PCDHA5: variants seen among roughly 807,000 people sequenced by gnomAD.
PCDHA5 encodes the protein protocadherin alpha 5.
A neutral mutation model predicts 61.6 loss-of-function variants in PCDHA5; 43 were observed. That is an observed-to-expected ratio of 0.70 (90% CI 0.55 to 0.90). The LOEUF (loss-of-function observed/expected upper bound fraction) is 0.90, where lower values mean the gene tolerates loss of function less well. Among genes scored for constraint, PCDHA5 ranks in the 40% least tolerant of loss-of-function variants. The probability of loss-of-function intolerance (pLI) is 0.00; values close to 1 mark genes in which losing one functional copy is unlikely to be tolerated. For synonymous variants in PCDHA5, 627 were observed against 543.9 expected (o/e 1.15, Z -2.13); for missense variants, 1,298 against 1,222.7 (o/e 1.06, Z -0.92).
Position 141,009,722 on chromosome 5 carries a change from G to A in PCDHA5, c.2596G>A (p.Gly866Ser), listed in dbSNP as rs552954748. ...KYGPGNPKQSGPGELPDKFII... is the reference protein window; with the variant it reads ...KYGPGNPKQSSPGELPDKFII... ...CGGACCAGGCAACCCCAAACAATCC[G>A]GTCCCGGTGAGTTGCCCGACAAATT... The change falls in exon 4 of 4, where the codon GGT (glycine) becomes AGT (serine). Residue 866 changes from glycine (G) to serine (S), a missense_variant. Gly to Ser is a moderately conservative substitution (Grantham distance 56). Transcript: ENST00000529859. 5.2e-5 allele frequency: 84 copies of A among 1,614,140 alleles called. No homozygotes were observed. The South Asian group carries it at 6.7e-4, about 13-fold the overall frequency.
intron 1 of PCDHA5, chr5:140,836,291 C>T: frequency 6.2e-7 from 1 of 1,613,720 alleles, no homozygotes; most frequent in Non-Finnish European, 8.5e-7. Context: ...CGACACGAGC[C>T]CTAGATGAGA....
intron 1 of PCDHA5, among the ~76,000 whole-genome samples, chr5:140,953,372 A>G (rs1472097697): frequency 6.6e-6 from 1 of 151,982 alleles, no homozygotes; most frequent in Non-Finnish European, 1.5e-5. Flanking sequence ...AGGATTCTCT[A>G]CCCCTCTCAG....
intron 1 of PCDHA5, among the ~76,000 whole-genome samples, chr5:140,874,110 C>T (rs115562650): frequency 0.024 from 3,605 of 152,160 alleles, 51 homozygotes; most frequent in Middle Eastern, 0.034. Flanking sequence ...AATTACTTAA[C>T]GTTTTATAGT....
chr5:140,984,340 T>C (rs1224859959), intron 3 of PCDHA5, among the ~76,000 whole-genome samples: 1 of 152,242 alleles, frequency 6.6e-6, no homozygotes, highest in African/African-American at 2.4e-5. Flanking sequence ...ATAGGAACCA[T>C]GTATTGATAT....
intron 1 of PCDHA5, among the ~76,000 whole-genome samples, chr5:140,952,159 G>T (rs1226707673): frequency 2.0e-5 from 3 of 152,056 alleles, no homozygotes; most frequent in African/African-American, 7.2e-5. Context: ...TGGCTTTGTG[G>T]GGTTCAGTTC....
At chr5:140,841,961 G>A (rs1221561116) in intron 1 of PCDHA5, 1 of 1,613,790 alleles carries the variant, frequency 6.2e-7, no homozygotes, top group Non-Finnish European at 8.5e-7. Flanking sequence ...ATTCCTGACA[G>A]CCACAGATGG....
In PCDHA5 at chr5:140,849,965, G is replaced by A. The variant is rs782084624; in HGVS notation, c.2352+25838G>A. Reference sequence around the variant, plus strand: ...CTGACGCGCAGGAGAACGCCCTGGTGTCCTACTCGCTGGTGGAGCGGCGGT... The same window carrying A: ...CTGACGCGCAGGAGAACGCCCTGGTATCCTACTCGCTGGTGGAGCGGCGGT... On this transcript the variant is annotated intron_variant, in intron 1 of 3. Coordinates refer to ENST00000529859, the MANE Select transcript of PCDHA5 (RefSeq NM_018908.3). The A allele has an allele frequency of 1.0e-5, 16 of 1,597,766 alleles. 2 individuals are homozygous for A. Among genetic ancestry groups the A allele is most frequent in the Non-Finnish European group, 1.3e-5 (15 of 1,167,924 alleles).
At chr5:140,858,647 A>T in intron 1 of PCDHA5, 1 of 821,512 alleles carries the variant, frequency 1.2e-6, no homozygotes, top group Non-Finnish European at 1.8e-6. Context: ...ATTGGTACTT[A>T]AATTTTTTTA....
chr5:140,889,205 A>G (rs573455914), intron 1 of PCDHA5, among the ~76,000 whole-genome samples: 1 of 151,946 alleles, frequency 6.6e-6, no homozygotes, highest in East Asian at 2.0e-4. Context: ...TGAATACTTA[A>G]CAAAGAAGAA....
intron 1 of PCDHA5, chr5:140,862,516 G>T: frequency 2.4e-6 from 1 of 409,748 alleles, no homozygotes; most frequent in South Asian, 1.9e-5. Flanking sequence ...CGCTTTCATT[G>T]TTGGCCACAG....
At chr5:140,868,536 T>C (rs2050515063) in intron 1 of PCDHA5, 1 of 152,638 alleles carries the variant, frequency 6.6e-6, no homozygotes, top group Non-Finnish European at 1.5e-5. Flanking sequence ...AGTAAAACAA[T>C]TCAAATTTGA....
chr5:140,871,191 C>T lies in PCDHA5; in HGVS notation c.2352+47064C>T, dbSNP rs370303558. 1.9e-6 allele frequency: 3 copies of T among 1,613,656 alleles called. 1 individual carries two copies. In the South Asian group the frequency reaches 3.3e-5, roughly 18 times the overall value. On this transcript the variant is annotated intron_variant, in intron 1 of 3. Coordinates refer to ENST00000529859, the MANE Select transcript of PCDHA5 (RefSeq NM_018908.3). ...CAGAGGCTGCGCTGGTGGATGTCAA[C>T]GTGTACCTGATCATCGCCATCTGCG...
At chr5:140,967,135 G>A in intron 1 of PCDHA5, 1 of 1,611,752 alleles carries the variant, frequency 6.2e-7, no homozygotes, top group South Asian at 1.1e-5. Context: ...GCTTGGAAGT[G>A]CTGGCGCACA....
intron 1 of PCDHA5, among the ~76,000 whole-genome samples, chr5:140,921,910 A>G (rs1474219286): frequency 6.6e-6 from 1 of 152,086 alleles, no homozygotes; most frequent in Non-Finnish European, 1.5e-5. Context: ...TATATATTAC[A>G]TGATAAAACT....
intron 1 of PCDHA5, chr5:140,928,025 G>T: frequency 6.2e-7 from 1 of 1,614,148 alleles, no homozygotes; most frequent in South Asian, 1.1e-5. Flanking sequence ...GTCATTTGTG[G>T]CATGTCTAGT....
chr5:141,004,745 A>C (rs1282005519), intron 3 of PCDHA5, among the ~76,000 whole-genome samples: 2 of 152,158 alleles, frequency 1.3e-5, no homozygotes, highest in Non-Finnish European at 2.9e-5. Flanking sequence ...CTTTTGTCTC[A>C]GTCTCTTAGA....
rs1308888029 is a variant in PCDHA5 at position 141,011,344 on chromosome 5, A to G, written c.*1407A>G. Reference sequence around the variant, plus strand: ...ACACCTATGATGTTACCTGAAATCAATCTCCCATATGTATGCTGTATGCTA... The same window carrying G: ...ACACCTATGATGTTACCTGAAATCAGTCTCCCATATGTATGCTGTATGCTA... On this transcript the variant is annotated 3_prime_UTR_variant, in exon 4 of 4. Coordinates refer to ENST00000529859, the MANE Select transcript of PCDHA5 (RefSeq NM_018908.3). 3 of 153,730 alleles carry G rather than the reference A, an allele frequency of 2.0e-5. No homozygotes were observed. The highest frequency in any genetic ancestry group is 2.9e-5 in the Non-Finnish European group (2 of 68,040). The allele number at this position is 153,730 out of a possible 1,614,324, so 9.5% of individuals were successfully genotyped here.
Position 140,823,165 on chromosome 5 carries a change from A to C in PCDHA5, c.1390A>C (p.Lys464Gln). ...FAQPQYTVFV[K>Q]ENNPPGCHIF... Reference sequence around the variant, plus strand: ...GCAGCCCCAGTATACCGTGTTCGTGAAGGAGAACAACCCGCCAGGCTGCCA... The same window carrying C: ...GCAGCCCCAGTATACCGTGTTCGTGCAGGAGAACAACCCGCCAGGCTGCCA... Residue 464 changes from lysine to glutamine, a missense_variant, in exon 1 of 4, where the codon AAG becomes CAG. Transcript: ENST00000529859. The C allele has an allele frequency of 6.2e-7, 1 of 1,613,828 alleles. No individual in the cohort carries two copies. The highest frequency in any genetic ancestry group is 2.2e-5 in the East Asian group (1 of 44,862).
intron 1 of PCDHA5, chr5:140,855,890 A>C (rs1314408448): frequency 2.8e-5 from 28 of 999,762 alleles, no homozygotes; most frequent in African/African-American, 2.3e-4. Context: ...TTTAGAACAA[A>C]GGCATCAGCC....
Sources: allele counts gnomAD v4.1 joint callset (sites outside exome capture counted in the v4.1 genomes callset), GRCh38; gene constraint gnomAD v4.1.1; transcripts MANE v1.5; gene names NCBI Gene and HGNC (gene_info 2026-07-23, HGNC 2026-07-21).